The following CACNA1B variants were observed in gnomAD, a reference collection of about 807,000 sequenced individuals.
CACNA1B encodes the protein voltage-dependent N-type calcium channel subunit alpha-1B.
Under a neutral mutation model 247.2 loss-of-function variants are expected in CACNA1B, and 70 were observed. The observed-to-expected ratio is 0.28, with a 90% confidence interval of 0.23 to 0.35. The LOEUF (loss-of-function observed/expected upper bound fraction) is 0.35. Ranked by LOEUF, CACNA1B falls within the 10% of genes least tolerant of loss-of-function variation. The pLI is 1.00. For missense variants in CACNA1B, 2,367 were observed against 3,197.4 expected, an observed-to-expected ratio of 0.74 and a Z score of 6.26; for synonymous variants, 1,231 against 1,294.4, an observed-to-expected ratio of 0.95 and a Z score of 1.05.
intron 3 of CACNA1B, chr9:137,892,496 C>G: frequency 2.6e-6 from 1 of 384,440 alleles, no homozygotes; most frequent in South Asian, 1.9e-5. Context: ...ATAGTTCTCC[C>G]CCTTTCCTCT....
intron 6 of CACNA1B, among the ~76,000 whole-genome samples, chr9:137,946,911 A>G (rs974954259): frequency 2.6e-5 from 4 of 152,260 alleles, no homozygotes; most frequent in African/African-American, 9.6e-5. Flanking sequence ...TGAGTCATCC[A>G]GGTTCTTGGC....
chr9:137,988,422 C>T (rs914753809), intron 15 of CACNA1B, among the ~76,000 whole-genome samples: 1 of 152,058 alleles, frequency 6.6e-6, no homozygotes, highest in Non-Finnish European at 1.5e-5. Flanking sequence ...GGTCCATGAC[C>T]ACAGCCACGC....
Position 138,112,470 on chromosome 9 carries a change from A to C in CACNA1B, c.5501A>C (p.Gln1834Pro). ...TCCGTTGTGTGGGCCAATCTGCCCCAGAAGACTTTGGACTTGCTGGTACCA... is the reference window on the plus strand; with the variant it reads ...TCCGTTGTGTGGGCCAATCTGCCCCCGAAGACTTTGGACTTGCTGGTACCA... ...EISVVWANLP[Q>P]KTLDLLVPPH... The change falls in exon 40 of 47, where the codon CAG becomes CCG. Residue 1834 changes from glutamine (Q) to proline (P), a missense_variant. By Grantham distance (76) the Gln-to-Pro change is moderately conservative (BLOSUM62 -1). This residue lies in a region of CACNA1B where 773 missense variants were observed against 779.4 expected (regional missense o/e 0.99). Transcript: ENST00000371372. 1 of 1,613,286 alleles carries C rather than the reference A, an allele frequency of 6.2e-7. No individual in the cohort carries two copies. Among genetic ancestry groups the C allele is most frequent in the Non-Finnish European group, 8.5e-7 (1 of 1,179,248 alleles).
chr9:137,912,044 T>A (rs1957365168), intron 3 of CACNA1B, among the ~76,000 whole-genome samples: 1 of 152,250 alleles, frequency 6.6e-6, no homozygotes, highest in Admixed American at 6.5e-5. Flanking sequence ...AAAAGGTACA[T>A]CTTTTATACT....
At chr9:138,079,253 C>T (rs567906558) in intron 36 of CACNA1B, among the ~76,000 whole-genome samples, 4 of 152,024 alleles carry the variant, frequency 2.6e-5, no homozygotes, top group Non-Finnish European at 5.9e-5. Flanking sequence ...TGAGCACTGA[C>T]GTAGGGGAAG....
Position 138,057,690 on chromosome 9 carries a change from C to A in CACNA1B, c.3969-42C>A. 6.3e-7 allele frequency: 1 copy of A among 1,575,266 alleles called. No homozygotes were observed. Among genetic ancestry groups the A allele is most frequent in the African/African-American group, 1.3e-5 (1 of 74,402 alleles). On this transcript the variant is annotated intron_variant, in intron 26 of 46. Transcript: ENST00000371372. This position sits in a 1 kb window ranked among gnomAD's most constrained non-coding sequence, Gnocchi z 4.0. ...TCTTGATAGGTGGGTTTATTTGGAT[C>A]TTTTGTCTTTGCCCTCTAACCTCCC... is the stretch of plus-strand genomic sequence containing the variant.
chr9:138,038,710 A>T (rs1364563109), intron 20 of CACNA1B, among the ~76,000 whole-genome samples: 1 of 151,950 alleles, frequency 6.6e-6, no homozygotes, highest in East Asian at 1.9e-4. Context: ...CGGCTTCTTT[A>T]CCTCCCTGTC....
intron 31 of CACNA1B, among the ~76,000 whole-genome samples, chr9:138,064,264 C>T (rs1370199798): frequency 6.6e-6 from 1 of 152,136 alleles, no homozygotes; most frequent in Non-Finnish European, 1.5e-5. Flanking sequence ...CTGTCTGGAT[C>T]CAGTGTGCAA....
At chr9:138,113,808 G>A (rs1961752328) in intron 40 of CACNA1B, among the ~76,000 whole-genome samples, 1 of 143,510 alleles carries the variant, frequency 7.0e-6, no homozygotes, top group Non-Finnish European at 1.5e-5. Flanking sequence ...TGTGGGAGAC[G>A]TGAGGGAGCG....
At chr9:137,981,561 C>T (rs1211103976) in intron 12 of CACNA1B, among the ~76,000 whole-genome samples, 3 of 152,178 alleles carry the variant, frequency 2.0e-5, no homozygotes, top group African/African-American at 7.2e-5. Context: ...ACTGCAACCT[C>T]TGCCTCCCGG....
In CACNA1B at chr9:138,120,273, GCGT is replaced by G. The variant is rs1962036930; in HGVS notation, c.6145_6147del (p.Ser2049del). On this transcript the variant is annotated inframe_deletion, in exon 45 of 47. Coordinates refer to ENST00000371372, the MANE Select transcript of CACNA1B (RefSeq NM_000718.4). ...CCCGGACCGCCCACCCCCTAGCCAG[GCGT>G]CGTCGCACCACCACCACCACCGCTG... 1.9e-6 allele frequency: 3 copies of G among 1,588,694 alleles called. 1 individual carries two copies. The Admixed American group carries it at 5.2e-5, about 27-fold the overall frequency.
intron 6 of CACNA1B, among the ~76,000 whole-genome samples, chr9:137,932,428 C>T (rs1186802228): frequency 8.5e-5 from 13 of 152,116 alleles, no homozygotes; most frequent in South Asian, 2.1e-4. Context: ...TGGTCCCGCA[C>T]GGGAAAAAGG....
In CACNA1B at chr9:138,007,740, G is replaced by A. The variant is rs958723549; in HGVS notation, c.2092+856G>A. On this transcript the variant is annotated intron_variant, in intron 16 of 46. Transcript: ENST00000371372. The surrounding 1 kb of genome is among the most constrained non-coding windows in gnomAD (Gnocchi z 4.1). ...TTCTGGGGACCCCACTTTGAGAACT[G>A]CTGTGACAGAACACCCCACAGGGCC... is the stretch of plus-strand genomic sequence containing the variant. 6.6e-6 allele frequency among the ~76,000 whole-genome samples: 1 copy of A among 152,168 alleles called. No homozygotes were observed. Among genetic ancestry groups the A allele is most frequent in the African/African-American group, 2.4e-5 (1 of 41,432 alleles).
At chr9:137,999,073 G>A (rs553329027) in intron 15 of CACNA1B, among the ~76,000 whole-genome samples, 4 of 152,178 alleles carry the variant, frequency 2.6e-5, no homozygotes, top group Non-Finnish European at 4.4e-5. Context: ...TTGGGAGGCC[G>A]AAGTGGGCAG....
chr9:137,926,878 GA>G (rs1395857358), intron 6 of CACNA1B, among the ~76,000 whole-genome samples: 2 of 152,088 alleles, frequency 1.3e-5, no homozygotes, highest in East Asian at 3.8e-4. Context: ...GCCCATTTTT[GA>G]ATCTGTTGTT....
chr9:138,096,730 G>A lies in CACNA1B; in HGVS notation c.5222+119G>A, dbSNP rs150606219. 1.3e-3 allele frequency: 1,219 copies of A among 944,754 alleles called. 10 individuals carry two copies. In the African/African-American group the frequency reaches 0.019, roughly 15 times the overall value. The allele number at this position is 944,754 out of a possible 1,614,324, so 58.5% of individuals were successfully genotyped here. On this transcript the variant is annotated intron_variant, in intron 37 of 46. Transcript: ENST00000371372. The stretch of plus-strand genomic sequence containing the variant: ...GCACCCCCTCAGGTTTTGGTTTGGG[G>A]CCTAGGGATCTGTCCTGTTTCGTGT...
intron 6 of CACNA1B, among the ~76,000 whole-genome samples, chr9:137,920,559 G>C (rs370411619): frequency 6.6e-6 from 1 of 152,186 alleles, no homozygotes; most frequent in African/African-American, 2.4e-5. Flanking sequence ...GTAGAACTTC[G>C]CCTTACCCAG....
intron 38 of CACNA1B, among the ~76,000 whole-genome samples, chr9:138,103,573 C>T (rs1961325723): frequency 1.3e-5 from 2 of 152,102 alleles, no homozygotes; most frequent in Non-Finnish European, 2.9e-5. Flanking sequence ...ATGGCCCAGC[C>T]CTAAAACTGT....
In CACNA1B at chr9:138,118,759, C is replaced by A; in HGVS notation, c.6021C>A (p.Ala2007=). Residue 2007 remains alanine (A), a synonymous_variant, in exon 44 of 47, where the codon GCC becomes GCA. Transcript: ENST00000371372. ...GRAASMPRLA[A]ETQPVTDASP... is the part of the protein sequence containing the mutation. ...CGGCCTCCATGCCCCGCCTTGCGGC[C>A]GAGACTCAGGTAGGTGGTCTGGGAG... The A allele has an allele frequency of 1.3e-6, 2 of 1,490,036 alleles. No homozygotes were observed. The highest frequency in any genetic ancestry group is 1.8e-6 in the Non-Finnish European group (2 of 1,100,416). 92.3% of individuals were successfully genotyped at this position (1,490,036 alleles called of 1,614,324 possible).
Sources: gnomAD v4.1 joint callset for allele counts (sites outside exome capture counted in the v4.1 genomes callset) on GRCh38, gnomAD v4.1.1 for gene constraint, gnomAD v4.1.1 regional missense constraint, Gnocchi (gnomAD v3.1) non-coding constraint, MANE v1.5 for transcripts, NCBI Gene and HGNC (gene_info 2026-07-23, HGNC 2026-07-21) for gene names.